Variants in PAX5 observed in about 807,000 individuals in gnomAD.
PAX5 encodes paired box protein Pax-5.
In PAX5, 9 loss-of-function variants were observed where a neutral mutation model predicts 43.7. The ratio of observed to expected loss-of-function variants is 0.21; its 90% CI spans 0.12 to 0.36. The LOEUF (loss-of-function observed/expected upper bound fraction) is 0.36, where lower values mean the gene tolerates loss of function less well. Among genes scored for constraint, PAX5 ranks in the 10% least tolerant of loss-of-function variants. The pLI is 1.00. For synonymous variants in PAX5, 228 were observed against 214.3 expected (o/e 1.06, Z -0.56); for missense variants, 383 against 532.7 (o/e 0.72, Z 2.77).
chr9:36,907,619 G>A (rs544167265), intron 7 of PAX5, among the ~76,000 whole-genome samples: 20 of 152,308 alleles, frequency 1.3e-4, no homozygotes, highest in Non-Finnish European at 2.5e-4. Flanking sequence ...ATGCTGGTTC[G>A]TCCAGTTCAT....
intron 5 of PAX5, among the ~76,000 whole-genome samples, chr9:36,970,034 CAG>C (rs940623045): frequency 7.9e-5 from 12 of 152,096 alleles, no homozygotes; most frequent in Non-Finnish European, 1.8e-4. Flanking sequence ...TAAACAAAAA[CAG>C]GGGATACAGT....
Position 36,840,132 on chromosome 9 carries a change from C to G in PAX5, c.*428G>C, listed in dbSNP as rs1431410793. 2.6e-6 allele frequency: 1 copy of G among 377,740 alleles called. No homozygotes were observed. Among genetic ancestry groups the G allele is most frequent in the Non-Finnish European group, 4.9e-6 (1 of 204,324 alleles). The allele number at this position is 377,740 out of a possible 1,614,324, so 23.4% of individuals were successfully genotyped here. On this transcript the variant is annotated 3_prime_UTR_variant, in exon 10 of 10. Coordinates refer to ENST00000358127, the MANE Select transcript of PAX5 (RefSeq NM_016734.3). ...TGCATCATGGGTGGAGCAGTCTTCT[C>G]AGTCGGACCTTCAGGCCCACAGAAA...
In PAX5 at chr9:36,833,927, C is replaced by G. The variant is rs1415740380; in HGVS notation, c.*6633G>C. The G allele has an allele frequency of 4.3e-6, 1 of 231,178 alleles. No individual in the cohort carries two copies. The highest frequency in any genetic ancestry group is 8.5e-6 in the Non-Finnish European group (1 of 117,556). The allele number at this position is 231,178 out of a possible 1,614,324, so 14.3% of individuals were successfully genotyped here. On this transcript the variant is annotated 3_prime_UTR_variant, in exon 10 of 10. Transcript: ENST00000358127. The stretch of plus-strand genomic sequence containing the variant: ...CAGGCATCACAAACTTTGGCGGATA[C>G]AGTAGATATGTATTTCTTTGATGCT...
intron 5 of PAX5, among the ~76,000 whole-genome samples, chr9:36,996,189 T>C (rs546223976): frequency 6.6e-6 from 1 of 152,386 alleles, no homozygotes; most frequent in East Asian, 1.9e-4. Flanking sequence ...CCCTCTGCCA[T>C]GACGGGCCTC....
At chr9:36,898,393 TGGAGAAGGAG>T (rs1828057757) in intron 7 of PAX5, among the ~76,000 whole-genome samples, 1 of 152,128 alleles carries the variant, frequency 6.6e-6, no homozygotes, top group Non-Finnish European at 1.5e-5. Flanking sequence ...CCACATCACC[TGGAGAAGGAG>T]GCACGTGGGG....
In PAX5 at chr9:37,018,112, G is replaced by C. The variant is rs546188927; in HGVS notation, c.212+2524C>G. Among the ~76,000 whole-genome samples the C allele has an allele frequency of 2.0e-5, 3 of 152,258 alleles. No homozygotes were observed. The South Asian group carries it at 6.2e-4, about 32-fold the overall frequency. On this transcript the variant is annotated intron_variant, in intron 2 of 9. Coordinates refer to ENST00000358127, the MANE Select transcript of PAX5 (RefSeq NM_016734.3). ...TCAATTTTCCCATTCATACAATAGGGGGAGAATGTCTTCCCTGCTTGTTTT... is the reference window on the plus strand; with the variant it reads ...TCAATTTTCCCATTCATACAATAGGCGGAGAATGTCTTCCCTGCTTGTTTT...
intron 6 of PAX5, among the ~76,000 whole-genome samples, chr9:36,953,810 C>T (rs1249864604): frequency 6.6e-6 from 1 of 152,190 alleles, no homozygotes; most frequent in East Asian, 1.9e-4. Flanking sequence ...CAGTAGCTCA[C>T]ACCTGTAATT....
At chr9:36,843,626 G>C (rs1275497970) in intron 9 of PAX5, among the ~76,000 whole-genome samples, 1 of 152,244 alleles carries the variant, frequency 6.6e-6, no homozygotes, top group Non-Finnish European at 1.5e-5. Context: ...TGTGTTTGTA[G>C]AGATTCTGCA....
At chr9:36,876,024 T>C (rs1825880044) in intron 8 of PAX5, among the ~76,000 whole-genome samples, 1 of 152,168 alleles carries the variant, frequency 6.6e-6, no homozygotes, top group Non-Finnish European at 1.5e-5. Flanking sequence ...AAGGCCTCTC[T>C]ATGGAAGGGA....
chr9:36,869,847 AATGGATGGATGGATGG>A (rs113287865), intron 8 of PAX5, among the ~76,000 whole-genome samples: 7 of 117,898 alleles, frequency 5.9e-5, no homozygotes, highest in African/African-American at 2.5e-4. Context: ...TGGATGGATA[AATGGATGGATGGATGG>A]ATGGATGGAT....
intron 5 of PAX5, among the ~76,000 whole-genome samples, chr9:36,996,710 G>A (rs527764639): frequency 7.9e-5 from 12 of 152,342 alleles, no homozygotes; most frequent in South Asian, 4.1e-4. Context: ...GCCCCAGCAC[G>A]GTCTGTGAGC....
intron 5 of PAX5, among the ~76,000 whole-genome samples, chr9:36,990,013 T>C (rs1836791052): frequency 6.6e-6 from 1 of 152,084 alleles, no homozygotes; most frequent in African/African-American, 2.4e-5. Context: ...GGAGTTGGGT[T>C]GGAGGGGAGC....
chr9:36,844,067 C>T (rs987418459), intron 9 of PAX5, among the ~76,000 whole-genome samples: 3 of 152,192 alleles, frequency 2.0e-5, no homozygotes, highest in Non-Finnish European at 4.4e-5. Context: ...CTGCTTAAGC[C>T]AGTCAGAGTG....
intron 7 of PAX5, among the ~76,000 whole-genome samples, chr9:36,919,515 T>C (rs1829969440): frequency 6.6e-6 from 1 of 152,182 alleles, no homozygotes; most frequent in South Asian, 2.1e-4. Context: ...AAAAACGTTC[T>C]GGAAAGAATT....
chr9:36,902,170 C>T (rs568690173), intron 7 of PAX5, among the ~76,000 whole-genome samples: 101 of 152,242 alleles, frequency 6.6e-4, no homozygotes, highest in Non-Finnish European at 1.2e-3. Flanking sequence ...CTCGGCAAAG[C>T]GGTGGCGGTG....
intron 9 of PAX5, among the ~76,000 whole-genome samples, chr9:36,843,933 G>C (rs1822320229): frequency 6.6e-6 from 1 of 152,222 alleles, no homozygotes; most frequent in Non-Finnish European, 1.5e-5. Flanking sequence ...TGGCAGCAGG[G>C]CTGTTGATGC....
Position 36,835,910 on chromosome 9 carries a change from G to GT in PAX5, c.*4649dup. On this transcript the variant is annotated 3_prime_UTR_variant, in exon 10 of 10. Coordinates refer to ENST00000358127, the MANE Select transcript of PAX5 (RefSeq NM_016734.3). ...TTGGTTTCCACCCTCCCGGGAAGCT[G>GT]TATCTTAGACTCCCCTCCTGGGAAG... The GT allele has an allele frequency of 4.3e-6, 1 of 233,498 alleles. No individual in the cohort carries two copies. The highest frequency in any genetic ancestry group is 6.0e-5 in the East Asian group (1 of 16,568). The allele number at this position is 233,498 out of a possible 1,614,324, so 14.5% of individuals were successfully genotyped here. A position where few individuals can be genotyped will look rare whatever the true frequency, so the allele number is the denominator to read the frequency against.
intron 6 of PAX5, among the ~76,000 whole-genome samples, chr9:36,953,771 C>A (rs1187788063): frequency 6.6e-6 from 1 of 152,106 alleles, no homozygotes; most frequent in Non-Finnish European, 1.5e-5. Flanking sequence ...TAATTATAGT[C>A]ATTTTAAATT....
chr9:36,919,784 G>A (rs1302997452), intron 7 of PAX5, among the ~76,000 whole-genome samples: 1 of 139,854 alleles, frequency 7.2e-6, no homozygotes, highest in Non-Finnish European at 1.5e-5. Context: ...AGGTTGCAGT[G>A]AGCCCAGATC....
Sources: gnomAD v4.1 joint callset for allele counts (sites outside exome capture counted in the v4.1 genomes callset) on GRCh38, gnomAD v4.1.1 for gene constraint, MANE v1.5 for transcripts, NCBI Gene and HGNC (gene_info 2026-07-23, HGNC 2026-07-21) for gene names.